Variants in MAP3K20 observed in about 807,000 individuals in gnomAD.
MAP3K20 encodes the protein HCCS-4.
A neutral mutation model predicts 85.7 loss-of-function variants in MAP3K20; 40 were observed. The observed-to-expected ratio is 0.47, with a 90% CI of 0.36 to 0.61. The LOEUF (loss-of-function observed/expected upper bound fraction) is 0.61, where lower values mean the gene tolerates loss of function less well. Among genes scored for constraint, MAP3K20 ranks in the 20% least tolerant of loss-of-function variants. The pLI is 0.00. For missense variants in MAP3K20, 817 were observed against 961.7 expected (o/e 0.85, Z 1.99); for synonymous variants, 325 against 327.7 (o/e 0.99, Z 0.09).
intron 10 of MAP3K20, chr2:173,210,050 GTATT>G (rs1241259059): frequency 3.6e-6 from 2 of 548,688 alleles, no homozygotes. Flanking sequence ...CCTTGTGTAA[GTATT>G]TGAAAAGAAT....
chr2:173,227,740 G>A (rs2106327830), intron 11 of MAP3K20, among the ~76,000 whole-genome samples: 1 of 152,252 alleles, frequency 6.6e-6, no homozygotes, highest in African/African-American at 2.4e-5. Context: ...ACAACATTTA[G>A]GAATTTTATA....
Position 173,148,386 on chromosome 2 carries a change from C to T in MAP3K20, c.160-21419C>T, listed in dbSNP as rs537530886. The stretch of plus-strand genomic sequence containing the variant: ...CTATGAGAGGTAGGCTGTTTCATGG[C>T]TTTCAGTCTAGGTTAAGTGCCAGAA... On this transcript the variant is annotated intron_variant, in intron 2 of 19. Transcript: ENST00000375213. Among the ~76,000 whole-genome samples, 188 of 152,306 alleles carry T rather than the reference C, an allele frequency of 1.2e-3. 2 individuals carry two copies. Among genetic ancestry groups the T allele is most frequent in the Non-Finnish European group, 1.6e-3 (109 of 68,026 alleles).
intron 8 of MAP3K20, among the ~76,000 whole-genome samples, chr2:173,200,169 T>C (rs1690999986): frequency 6.6e-6 from 1 of 152,234 alleles, no homozygotes; most frequent in Non-Finnish European, 1.5e-5. Context: ...TCTGCTATTC[T>C]CATTCTGTAC....
intron 1 of MAP3K20, among the ~76,000 whole-genome samples, chr2:173,081,722 C>G (rs1050324436): frequency 2.0e-5 from 3 of 152,192 alleles, no homozygotes; most frequent in Non-Finnish European, 4.4e-5. Flanking sequence ...CAAATCGTTT[C>G]CTTTATTTCC....
At chr2:173,249,847 A>G (rs1199650979) in intron 16 of MAP3K20, among the ~76,000 whole-genome samples, 1 of 152,238 alleles carries the variant, frequency 6.6e-6, no homozygotes, top group Non-Finnish European at 1.5e-5. Flanking sequence ...CATTTTAGAC[A>G]GTCAAGTGTG....
At chr2:173,148,187 C>G (rs1355206174) in intron 2 of MAP3K20, among the ~76,000 whole-genome samples, 4 of 152,196 alleles carry the variant, frequency 2.6e-5, no homozygotes, top group Non-Finnish European at 5.9e-5. Flanking sequence ...CCTGTCCCCC[C>G]TCACACCAGT....
intron 2 of MAP3K20, among the ~76,000 whole-genome samples, chr2:173,093,302 TTTTGCCAA>T (rs1487053917): frequency 6.6e-6 from 1 of 152,242 alleles, no homozygotes; most frequent in Non-Finnish European, 1.5e-5. Context: ...CTTGGTTGTT[TTTTGCCAA>T]TGAGTTTTAG....
intron 2 of MAP3K20, among the ~76,000 whole-genome samples, chr2:173,154,956 A>G (rs1218072171): frequency 3.3e-5 from 5 of 152,236 alleles, no homozygotes; most frequent in Non-Finnish European, 7.3e-5. Flanking sequence ...TATTTCAAGA[A>G]GTTTTGGTGT....
At chr2:173,133,193 T>C (rs1688666969) in intron 2 of MAP3K20, among the ~76,000 whole-genome samples, 1 of 152,216 alleles carries the variant, frequency 6.6e-6, no homozygotes, top group Non-Finnish European at 1.5e-5. Flanking sequence ...CAAAGCAATG[T>C]AAACATCTGA....
intron 9 of MAP3K20, among the ~76,000 whole-genome samples, chr2:173,205,993 G>T (rs1434366513): frequency 1.3e-5 from 2 of 152,056 alleles, no homozygotes; most frequent in Non-Finnish European, 2.9e-5. Context: ...TGTTAAAATG[G>T]TATCATACTA....
intron 7 of MAP3K20, among the ~76,000 whole-genome samples, chr2:173,196,588 T>A (rs1169437606): frequency 1.3e-5 from 2 of 152,204 alleles, no homozygotes; most frequent in Admixed American, 6.5e-5. Context: ...GCTAATTATC[T>A]TCGTATTAGC....
At chr2:173,150,107 C>T (rs1293990855) in intron 2 of MAP3K20, among the ~76,000 whole-genome samples, 5 of 152,204 alleles carry the variant, frequency 3.3e-5, no homozygotes, top group Admixed American at 2.0e-4. Context: ...CCATCAAATT[C>T]AGATTTGTTC....
At chr2:173,110,055 A>ATCC (rs1687898381) in intron 2 of MAP3K20, among the ~76,000 whole-genome samples, 1 of 151,246 alleles carries the variant, frequency 6.6e-6, no homozygotes, top group African/African-American at 2.4e-5. Flanking sequence ...ATGTTTAATG[A>ATCC]TCCTCCTCCT....
chr2:173,169,519 G>A (rs1341559775), intron 2 of MAP3K20, among the ~76,000 whole-genome samples: 1 of 151,626 alleles, frequency 6.6e-6, no homozygotes, highest in Non-Finnish European at 1.5e-5. Flanking sequence ...CCAAGAGTTC[G>A]AGATCAGCCT....
Position 173,198,108 on chromosome 2 carries a change from A to G in MAP3K20, c.665A>G (p.Asn222Ser). The change falls in exon 8 of 20, where the codon AAC becomes AGC. Residue 222 changes from asparagine to serine, a missense_variant. Around this residue, in one of 4 missense-constraint regions of MAP3K20, gnomAD observed 200 missense variants for 302.7 expected, o/e 0.66. Transcript: ENST00000375213. This position sits in a 1 kb window ranked among gnomAD's most constrained non-coding sequence, Gnocchi z 5.8. ...LQVAWLVVEK[N>S]ERLTIPSSCP... Reference sequence around the variant, plus strand: ...GTAGCTTGGCTTGTAGTGGAAAAAAACGAGGTAAGACTACGTTTCTCCATT... The same window carrying G: ...GTAGCTTGGCTTGTAGTGGAAAAAAGCGAGGTAAGACTACGTTTCTCCATT... 1.2e-6 allele frequency: 2 copies of G among 1,612,332 alleles called. No homozygotes were observed. The highest frequency in any genetic ancestry group is 1.7e-6 in the Non-Finnish European group (2 of 1,178,868).
chr2:173,221,327 A>G (rs776207331), intron 11 of MAP3K20: 3 of 1,613,780 alleles, frequency 1.9e-6, no homozygotes, highest in East Asian at 2.2e-5. Context: ...TATCTTCTCA[A>G]TGAACAAAGC....
rs137943433 is a variant in MAP3K20, at chr2:173,080,332, C to T, written c.-35+4330C>T. Among the ~76,000 whole-genome samples, 232 of 152,352 alleles carry T rather than the reference C, an allele frequency of 1.5e-3. 1 individual carries two copies. Among genetic ancestry groups the T allele is most frequent in the African/African-American group, 5.3e-3 (222 of 41,580 alleles). ...ATCTCTCAAGTTATACGCAGAGCTG[C>T]TTGCCCACTGTCCTAGTCTGTTTTC... On this transcript the variant is annotated intron_variant, in intron 1 of 19. Transcript: ENST00000375213.
At chr2:173,135,172 G>A (rs901785145) in intron 2 of MAP3K20, among the ~76,000 whole-genome samples, 6 of 152,088 alleles carry the variant, frequency 3.9e-5, no homozygotes, top group African/African-American at 4.8e-5. Flanking sequence ...AAAAGTTTCC[G>A]TATACAAATT....
At chr2:173,181,856 C>G (rs1002473200) in intron 3 of MAP3K20, among the ~76,000 whole-genome samples, 1 of 148,832 alleles carries the variant, frequency 6.7e-6, no homozygotes, top group Non-Finnish European at 1.5e-5. Flanking sequence ...TGAGATTACC[C>G]TAAGCAACAC....
Sources: allele counts gnomAD v4.1 joint callset (sites outside exome capture counted in the v4.1 genomes callset), GRCh38; gene constraint gnomAD v4.1.1; regional missense constraint gnomAD v4.1.1; non-coding constraint Gnocchi (gnomAD v3.1); transcripts MANE v1.5; gene names NCBI Gene and HGNC (gene_info 2026-07-23, HGNC 2026-07-21).